Variants in CCDC18 observed in about 807,000 individuals in gnomAD.
CCDC18 encodes the protein coiled-coil domain containing 18, also known as coiled-coil domain-containing protein 18.
CCDC18 carries 157 observed loss-of-function variants against 196.0 expected under a neutral mutation model. That is an observed-to-expected ratio of 0.80 (90% confidence interval 0.70 to 0.91). The LOEUF (loss-of-function observed/expected upper bound fraction) is 0.91. CCDC18 is among the 40% of genes least tolerant of loss of function. The pLI is 0.00. For missense variants in CCDC18, 1,465 were observed against 1,611.6 expected (o/e 0.91, Z 1.56); for synonymous variants, 482 against 529.2 (o/e 0.91, Z 1.22).
At chr1:93,245,757 C>T (rs1368818099) in intron 21 of CCDC18, among the ~76,000 whole-genome samples, 1 of 152,052 alleles carries the variant, frequency 6.6e-6, no homozygotes, top group Admixed American at 6.6e-5. Flanking sequence ...GACTTTGAAA[C>T]ACTCCTTTGA....
At chr1:93,264,345 C>T (rs1664210364) in intron 26 of CCDC18, among the ~76,000 whole-genome samples, 1 of 152,162 alleles carries the variant, frequency 6.6e-6, no homozygotes, top group Middle Eastern at 3.2e-3. Flanking sequence ...AACCACAATA[C>T]CATGATCACA....
chr1:93,221,930 A>T lies in CCDC18; in HGVS notation c.2169A>T (p.Thr723=), dbSNP rs745665930. 6.3e-7 allele frequency: 1 copy of T among 1,578,158 alleles called. No individual in the cohort carries two copies. Among genetic ancestry groups the T allele is most frequent in the East Asian group, 2.2e-5 (1 of 44,518 alleles). ...TACAGAACCAAGTATCTGAAGAAAC[A>T]ATCAAGGCTAGTATGCTAATACTTT... ...KALQNQVSEE[T]IKVRQLDSAL... is the part of the protein sequence containing the mutation. Residue 723 remains threonine (T), a synonymous_variant, in exon 16 of 29, where the codon ACA becomes ACT. Coordinates refer to ENST00000690025, the MANE Select transcript of CCDC18 (RefSeq NM_001378204.1).
intron 4 of CCDC18, chr1:93,191,031 A>G (rs7541687): frequency 0.57 from 527,446 of 926,610 alleles, 160,397 homozygotes; most frequent in South Asian, 0.66. Context: ...TCTTACAGAA[A>G]GTCCTGCAGG....
chr1:93,184,030 A>C lies in CCDC18; in HGVS notation c.187A>C (p.Lys63Gln). Reference sequence around the variant, plus strand: ...TGCCCCTAATCCTTCAAGGTCTGAAAAGCTAATTTTGGATGTTCAGCCTAG... The same window carrying C: ...TGCCCCTAATCCTTCAAGGTCTGAACAGCTAATTTTGGATGTTCAGCCTAG... ...DYAPNPSRSE[K>Q]LILDVQPSHP... The change falls in exon 3 of 29, where the codon AAG becomes CAG. Residue 63 changes from lysine to glutamine, a missense_variant. Coordinates refer to ENST00000690025, the MANE Select transcript of CCDC18 (RefSeq NM_001378204.1). 1 of 1,587,654 alleles carries C rather than the reference A, an allele frequency of 6.3e-7. No homozygotes were observed. Among genetic ancestry groups the C allele is most frequent in the Non-Finnish European group, 8.6e-7 (1 of 1,163,706 alleles).
chr1:93,270,540 T>C lies in CCDC18; in HGVS notation c.4079T>C (p.Leu1360Pro). The C allele has an allele frequency of 1.3e-6, 2 of 1,550,416 alleles. No homozygotes were observed. Among genetic ancestry groups the C allele is most frequent in the Non-Finnish European group, 1.7e-6 (2 of 1,146,900 alleles). ...CGTCGCTCTATTAGTGCCAGTGATCTTACTTTCAAAATTCATGGTGATGAA... is the reference window on the plus strand; with the variant it reads ...CGTCGCTCTATTAGTGCCAGTGATCCTACTTTCAAAATTCATGGTGATGAA... ...KLRRSISASD[L>P]TFKIHGDEDL... Residue 1360 changes from leucine to proline, a missense_variant, in exon 28 of 29, where the codon CTT becomes CCT. Transcript: ENST00000690025.
intron 7 of CCDC18, among the ~76,000 whole-genome samples, chr1:93,202,904 G>T (rs1439487159): frequency 6.6e-6 from 1 of 152,164 alleles, no homozygotes; most frequent in Non-Finnish European, 1.5e-5. Context: ...GGTGGCAGTG[G>T]TTAATAAACT....
rs370819409 is a variant in CCDC18 at position 93,210,776 on chromosome 1, A to C, written c.1210-26A>C. Reference sequence around the variant, plus strand: ...AAATGCATCTCATTTACATAAGTTTACATATGTTTGTTTTTAAACTTGCAG... The same window carrying C: ...AAATGCATCTCATTTACATAAGTTTCCATATGTTTGTTTTTAAACTTGCAG... On this transcript the variant is annotated intron_variant, in intron 9 of 28. Coordinates refer to ENST00000690025, the MANE Select transcript of CCDC18 (RefSeq NM_001378204.1). 1.7e-4 allele frequency: 255 copies of C among 1,543,732 alleles called. 1 individual carries two copies. Among genetic ancestry groups the C allele is most frequent in the Non-Finnish European group, 2.0e-4 (228 of 1,121,986 alleles).
At chr1:93,187,445 G>C (rs1650913656) in intron 4 of CCDC18, among the ~76,000 whole-genome samples, 1 of 152,018 alleles carries the variant, frequency 6.6e-6, no homozygotes, top group African/African-American at 2.4e-5. Flanking sequence ...GTCTGTGTGT[G>C]TGTGTTTGTA....
At chr1:93,267,516 A>T (rs907386331) in intron 27 of CCDC18, among the ~76,000 whole-genome samples, 5 of 152,216 alleles carry the variant, frequency 3.3e-5, no homozygotes, top group Admixed American at 3.3e-4. Context: ...CTGTTTGCAG[A>T]TGACATGATT....
At chr1:93,223,863 G>C (rs948538920) in intron 16 of CCDC18, among the ~76,000 whole-genome samples, 1 of 151,076 alleles carries the variant, frequency 6.6e-6, no homozygotes, top group South Asian at 2.1e-4. Flanking sequence ...TGGTTCAGCA[G>C]AGTGGTGTTT....
chr1:93,260,075 A>G (rs549782245), intron 26 of CCDC18, among the ~76,000 whole-genome samples: 1 of 152,218 alleles, frequency 6.6e-6, no homozygotes, highest in East Asian at 1.9e-4. Flanking sequence ...CTCAGCCTCT[A>G]AGTAGCTGGG....
chr1:93,244,012 A>T (rs967389999), intron 21 of CCDC18, among the ~76,000 whole-genome samples: 8 of 152,172 alleles, frequency 5.3e-5, no homozygotes, highest in African/African-American at 1.7e-4. Context: ...CTTTACTGGT[A>T]CCAATTTACT....
At position 93,265,088 on chromosome 1, in the gene CCDC18, A is replaced by G. The variant is rs970606100; in HGVS notation, c.3885+187A>G. ...GATGATGTACATCTTATTACCGTAG[A>G]AGATATAATTTATAAATGTTCAAAT... On this transcript the variant is annotated intron_variant, in intron 27 of 28. Coordinates refer to ENST00000690025, the MANE Select transcript of CCDC18 (RefSeq NM_001378204.1). 1.5e-5 allele frequency: 8 copies of G among 519,378 alleles called. No individual in the cohort carries two copies. In the Admixed American group the frequency reaches 2.8e-4, roughly 18 times the overall value. The allele number at this position is 519,378 out of a possible 1,614,324, so 32.2% of individuals were successfully genotyped here.
At chr1:93,243,269 C>A (rs1166444949) in intron 21 of CCDC18, among the ~76,000 whole-genome samples, 2 of 152,242 alleles carry the variant, frequency 1.3e-5, no homozygotes, top group Non-Finnish European at 2.9e-5. Flanking sequence ...TGTGTACTCA[C>A]AGATTCAACA....
intron 28 of CCDC18, 45 bp from the exon 29 acceptor site, chr1:93,278,418 T>A (rs2101601683): frequency 1.2e-6 from 1 of 823,106 alleles, no homozygotes. Context: ...CTAAATCAGT[T>A]TAGGAATATT....
chr1:93,262,008 G>T (rs897981501), intron 26 of CCDC18, among the ~76,000 whole-genome samples: 1 of 152,132 alleles, frequency 6.6e-6, no homozygotes, highest in Non-Finnish European at 1.5e-5. Flanking sequence ...TGTCTTACAT[G>T]GCAGCAGGAG....
chr1:93,245,954 A>C (rs1045303947), intron 21 of CCDC18, 151 bp from the exon 22 acceptor site: 7 of 443,872 alleles, frequency 1.6e-5, no homozygotes, highest in Non-Finnish European at 2.8e-5. Context: ...TTCTTTATCT[A>C]TTATTCCTTA....
intron 6 of CCDC18, among the ~76,000 whole-genome samples, 196 bp from the exon 7 acceptor site, chr1:93,201,696 A>G (rs1031915605): frequency 7.5e-6 from 1 of 132,970 alleles, no homozygotes; most frequent in Non-Finnish European, 1.6e-5. Flanking sequence ...TTTATTTTTC[A>G]TATTGATAGA....
At position 93,216,655 on chromosome 1, in the gene CCDC18, A is replaced by T. The variant is rs769614981; in HGVS notation, c.1739A>T (p.Gln580Leu). The T allele has an allele frequency of 5.3e-5, 83 of 1,553,772 alleles. 1 individual carries two copies. The South Asian group carries it at 7.9e-4, about 15-fold the overall frequency. The change falls in exon 13 of 29, where the codon CAA becomes CTA. Residue 580 changes from glutamine (Q) to leucine (L), a missense_variant. Gln to Leu is a moderately radical substitution (Grantham distance 113). Transcript: ENST00000690025. ...LESEMTKKCS[Q>L]LLTLEKQLEE... ...TTTCAGATGACAAAGAAATGTTCTC[A>T]ACTTTTAACTCTTGAGAAACAGCTG... is the stretch of plus-strand genomic sequence containing the variant.
Sources: gnomAD v4.1 joint callset for allele counts (sites outside exome capture counted in the v4.1 genomes callset) on GRCh38, gnomAD v4.1.1 for gene constraint, MANE v1.5 for transcripts, NCBI Gene and HGNC (gene_info 2026-07-23, HGNC 2026-07-21) for gene names.